The following RAD54L variants were observed in gnomAD, a reference collection of about 807,000 sequenced individuals.
RAD54L encodes RAD54 like, also known as DNA repair and recombination protein RAD54-like.
In RAD54L, 74 loss-of-function variants were observed where a neutral mutation model predicts 91.6. The ratio of observed to expected loss-of-function variants is 0.81; its 90% CI spans 0.67 to 0.98. The LOEUF is 0.98. Ranked by LOEUF, RAD54L falls within the 50% of genes least tolerant of loss-of-function variation. RAD54L has a pLI of 0.00. For synonymous variants in RAD54L, 304 were observed against 349.7 expected (o/e 0.87, Z 1.46); for missense variants, 887 against 945.7 (o/e 0.94, Z 0.81).
chr1:46,250,661 T>G (rs1659772364), intron 3 of RAD54L, among the ~76,000 whole-genome samples: 1 of 152,210 alleles, frequency 6.6e-6, no homozygotes, highest in African/African-American at 2.4e-5. Context: ...TAGTCATTTG[T>G]GCATTCAGCA....
intron 2 of RAD54L, 22 bp downstream of exon 2, chr1:46,248,620 G>A (rs778934658): frequency 1.2e-6 from 2 of 1,609,926 alleles, no homozygotes; most frequent in Non-Finnish European, 1.7e-6. Context: ...AGGGGACAGG[G>A]AAGGTGGGTA....
rs575600904 is a variant in RAD54L, at chr1:46,258,162, GC to G, written c.211-522del. On this transcript the variant is annotated intron_variant, in intron 3 of 17. Coordinates refer to ENST00000371975, the MANE Select transcript of RAD54L (RefSeq NM_003579.4). ...CAAAGTGTTAGGATTACAGGTGTGA[GC>G]CACCATGCCCGGCCTGGTGTTGTTA... Among the ~76,000 whole-genome samples the G allele has an allele frequency of 4.2e-4, 64 of 152,266 alleles. 1 individual carries two copies. The highest frequency in any genetic ancestry group is 1.8e-4 in the Non-Finnish European group (12 of 68,020).
chr1:46,252,959 C>T (rs1020462167), intron 3 of RAD54L, among the ~76,000 whole-genome samples: 1 of 152,074 alleles, frequency 6.6e-6, no homozygotes, highest in Non-Finnish European at 1.5e-5. Flanking sequence ...GTAGTCCCAG[C>T]TACTCTGGAG....
chr1:46,256,836 T>G (rs938299591), intron 3 of RAD54L, among the ~76,000 whole-genome samples: 2 of 151,564 alleles, frequency 1.3e-5, no homozygotes, highest in African/African-American at 4.8e-5. Flanking sequence ...AATTCATTAC[T>G]TTTTTTAAAT....
rs1366646160 is a variant in RAD54L, at chr1:46,265,687, C to T, written c.892-1772C>T. On this transcript the variant is annotated intron_variant, in intron 8 of 17. Coordinates refer to ENST00000371975, the MANE Select transcript of RAD54L (RefSeq NM_003579.4). The surrounding 1 kb of genome is among the most constrained non-coding windows in gnomAD (Gnocchi z 4.8). ...ATTATACAGGCGAATCTGACATAGT[C>T]TCTGCCTTAAGAAATCCTAGTCTCT... Among the ~76,000 whole-genome samples, 1 of 152,200 alleles carries T rather than the reference C, an allele frequency of 6.6e-6. No individual in the cohort carries two copies. The highest frequency in any genetic ancestry group is 1.9e-4 in the East Asian group (1 of 5,194).
rs1370518895 is a variant in RAD54L at position 46,272,765 on chromosome 1, C to T, written c.1338C>T (p.Ser446=). Residue 446 remains serine (S), a synonymous_variant, in exon 12 of 18, where the codon TCC becomes TCT. Transcript: ENST00000371975. ...TTGAGGGCAAGATGAGTGTGTCTTC[C>T]CTTTCTTCCATCACCTCGCTAAAGA... ...ELLEGKMSVS[S]LSSITSLKKL... is the part of the protein sequence containing the mutation. 1.2e-6 allele frequency: 2 copies of T among 1,614,052 alleles called. No individual in the cohort carries two copies. Among genetic ancestry groups the T allele is most frequent in the African/African-American group, 2.7e-5 (2 of 74,908 alleles).
chr1:46,252,028 A>G (rs1195501018), intron 3 of RAD54L, among the ~76,000 whole-genome samples: 2 of 152,234 alleles, frequency 1.3e-5, no homozygotes, highest in Non-Finnish European at 2.9e-5. Context: ...GGAGTGCACA[A>G]CAGGAGACCT....
chr1:46,274,501 T>G, intron 15 of RAD54L, 37 bp from the exon 16 acceptor site: 1 of 1,606,044 alleles, frequency 6.2e-7, no homozygotes, highest in South Asian at 1.1e-5. Flanking sequence ...GTTTAGGCTA[T>G]AAGAGGTTCC....
At position 46,273,477 on chromosome 1, in the gene RAD54L, C is replaced by A. The variant is rs1660494782; in HGVS notation, c.1486+12C>A. On this transcript the variant is annotated intron_variant, in intron 13 of 17. Coordinates refer to ENST00000371975, the MANE Select transcript of RAD54L (RefSeq NM_003579.4). ...GCCCCAGCTGTCAGGTGACCCTTTTCCTACCAGTATTTGGGCTTCTCTAGG... is the reference window on the plus strand; with the variant it reads ...GCCCCAGCTGTCAGGTGACCCTTTTACTACCAGTATTTGGGCTTCTCTAGG... The A allele has an allele frequency of 6.2e-7, 1 of 1,612,042 alleles. No individual in the cohort carries two copies. The highest frequency in any genetic ancestry group is 1.3e-5 in the African/African-American group (1 of 74,854).
Position 46,278,395 on chromosome 1 carries a change from C to A in RAD54L, c.*113C>A. On this transcript the variant is annotated 3_prime_UTR_variant, in exon 18 of 18. Transcript: ENST00000371975. ...TCTGGGAGAAAATCATCAAGAAGGG[C>A]TGCATGATGTTTGCCCAAAATTTAT... The A allele has an allele frequency of 8.0e-7, 1 of 1,242,294 alleles. No homozygotes were observed. The highest frequency in any genetic ancestry group is 1.1e-6 in the Non-Finnish European group (1 of 876,536). 77.0% of individuals were successfully genotyped at this position (1,242,294 alleles called of 1,614,324 possible).
At chr1:46,251,318 C>A (rs1387916135) in intron 3 of RAD54L, among the ~76,000 whole-genome samples, 1 of 152,038 alleles carries the variant, frequency 6.6e-6, no homozygotes, top group South Asian at 2.1e-4. Flanking sequence ...GTCCCCAAAA[C>A]AACAACAAAA....
Position 46,277,905 on chromosome 1 carries a change from A to AGC in RAD54L, c.1961_1962dup (p.His655AlafsTer8). 1.2e-6 allele frequency: 2 copies of AGC among 1,614,130 alleles called. No homozygotes were observed. Among genetic ancestry groups the AGC allele is most frequent in the Admixed American group, 3.3e-5 (2 of 60,018 alleles). On this transcript the variant is annotated frameshift_variant, in exon 17 of 18. Coordinates refer to ENST00000371975, the MANE Select transcript of RAD54L (RefSeq NM_003579.4). LOFTEE classifies it high-confidence loss of function. ...GTGGTGGATGAGGAGCAGGATGTAG[A>AGC]GCGCCACTTCTCTCTGGGCGAGTTG...
Position 46,278,313 on chromosome 1 carries a change from G to T in RAD54L, c.*31G>T. On this transcript the variant is annotated 3_prime_UTR_variant, in exon 18 of 18. Coordinates refer to ENST00000371975, the MANE Select transcript of RAD54L (RefSeq NM_003579.4). Reference sequence around the variant, plus strand: ...AGCTGGTCTGGGTGTAGCTCTTAGAGGAAGGAGATAGGGAAAAGGGGCTCC... The same window carrying T: ...AGCTGGTCTGGGTGTAGCTCTTAGATGAAGGAGATAGGGAAAAGGGGCTCC... 1 of 1,583,848 alleles carries T rather than the reference G, an allele frequency of 6.3e-7. No homozygotes were observed. Among genetic ancestry groups the T allele is most frequent in the Non-Finnish European group, 8.6e-7 (1 of 1,163,492 alleles).
intron 3 of RAD54L, among the ~76,000 whole-genome samples, chr1:46,253,708 T>C (rs1479664191): frequency 7.2e-6 from 1 of 138,062 alleles, no homozygotes; most frequent in Non-Finnish European, 1.6e-5. Flanking sequence ...CACAGTGATA[T>C]ACTTAGGTAC....
rs72899084 is a variant in RAD54L at position 46,259,357 on chromosome 1, T to C, written c.272-607T>C. On this transcript the variant is annotated intron_variant, in intron 4 of 17. Transcript: ENST00000371975. The stretch of plus-strand genomic sequence containing the variant: ...GAGCTCTCAGAAAGCTCCATGAAAG[T>C]GCCCTTTAGAATTTCAGGCCTTCCC... Among the ~76,000 whole-genome samples the C allele has an allele frequency of 8.2e-3, 1,244 of 152,234 alleles. 19 individuals are homozygous for C. Among genetic ancestry groups the C allele is most frequent in the Middle Eastern group, 0.037 (11 of 294 alleles).
rs575297246 is a variant in RAD54L at position 46,256,270 on chromosome 1, G to T, written c.211-2416G>T. Among the ~76,000 whole-genome samples, 4 of 151,976 alleles carry T rather than the reference G, an allele frequency of 2.6e-5. No homozygotes were observed. In the South Asian group the frequency reaches 6.2e-4, roughly 24 times the overall value. ...ATTTTGTGTACGGGGTGTGTGGGGG[G>T]GTCTCACTACGTTGCCTAGGGTGGT... On this transcript the variant is annotated intron_variant, in intron 3 of 17. Transcript: ENST00000371975.
intron 10 of RAD54L, 74 bp downstream of exon 10, chr1:46,270,859 C>A (rs999919220): frequency 4.4e-6 from 7 of 1,589,900 alleles, no homozygotes; most frequent in Non-Finnish European, 1.7e-6. Flanking sequence ...GGCTTTGCCT[C>A]TCTAGAGCCC....
At position 46,258,740 on chromosome 1, in the gene RAD54L, T is replaced by C; in HGVS notation, c.265T>C (p.Tyr89His). ...GCCTTTCAAAGTCCCCATTCCAAAT[T>C]ATCAAGGTAAAATGGAGGTTTTTCT... is the stretch of plus-strand genomic sequence containing the variant. Reference protein sequence around the residue: ...SKPFKVPIPNYQGPLGSRALG... With the variant: ...SKPFKVPIPNHQGPLGSRALG... The change falls in exon 4 of 18, where the codon TAT becomes CAT. Residue 89 changes from tyrosine to histidine, a missense_variant. Physicochemically the swap from Tyr to His is moderately conservative, Grantham distance 83. Transcript: ENST00000371975. The C allele has an allele frequency of 2.5e-6, 4 of 1,597,548 alleles. No individual in the cohort carries two copies. Among genetic ancestry groups the C allele is most frequent in the Non-Finnish European group, 3.4e-6 (4 of 1,164,840 alleles).
At chr1:46,259,223 C>T (rs1224148083) in intron 4 of RAD54L, among the ~76,000 whole-genome samples, 4 of 151,160 alleles carry the variant, frequency 2.6e-5, no homozygotes, top group African/African-American at 9.7e-5. Context: ...CTATGTTGGC[C>T]AGGCTGATCT....
Sources: allele counts gnomAD v4.1 joint callset (sites outside exome capture counted in the v4.1 genomes callset), GRCh38; gene constraint gnomAD v4.1.1; non-coding constraint Gnocchi (gnomAD v3.1); transcripts MANE v1.5; gene names NCBI Gene and HGNC (gene_info 2026-07-23, HGNC 2026-07-21).